Variants in GSE1 observed in about 807,000 individuals in gnomAD.
GSE1 encodes the protein genetic suppressor element 1.
Under a neutral mutation model 112.6 loss-of-function variants are expected in GSE1, and 32 were observed. The observed-to-expected ratio is 0.28, with a 90% CI of 0.21 to 0.38. The LOEUF (loss-of-function observed/expected upper bound fraction) is 0.38. GSE1 is among the 10% of genes least tolerant of loss of function. The pLI is 1.00. For synonymous variants in GSE1, 1,115 were observed against 735.6 expected (o/e 1.52, Z -8.35); for missense variants, 2,348 against 1,699.2 (o/e 1.38, Z -6.71).
intron 1 of GSE1, among the ~76,000 whole-genome samples, chr16:85,316,721 A>C (rs1381199725): frequency 6.6e-6 from 1 of 152,146 alleles, no homozygotes; most frequent in Non-Finnish European, 1.5e-5. Flanking sequence ...CCCAACCCCC[A>C]TGGGGCTCCG....
intron 1 of GSE1, among the ~76,000 whole-genome samples, chr16:85,218,560 A>C (rs549584242): frequency 6.6e-6 from 1 of 152,180 alleles, no homozygotes; most frequent in Admixed American, 6.5e-5. Flanking sequence ...TTTGAGCTCA[A>C]CTCTGCCACT....
intron 2 of GSE1, chr16:85,462,945 C>A (rs948404365): frequency 1.5e-4 from 28 of 191,708 alleles, no homozygotes; most frequent in Non-Finnish European, 2.5e-4. Context: ...TCCCGGGGCT[C>A]CATCCCCGTC....
At chr16:85,217,091 C>G (rs1000633883) in intron 1 of GSE1, among the ~76,000 whole-genome samples, 2 of 152,248 alleles carry the variant, frequency 1.3e-5, no homozygotes, top group African/African-American at 4.8e-5. Flanking sequence ...CCTTGGGCAA[C>G]TGACTCAGCC....
chr16:85,307,609 C>CAG (rs1323396553), intron 1 of GSE1, among the ~76,000 whole-genome samples: 1 of 38,912 alleles, frequency 2.6e-5, no homozygotes, highest in African/African-American at 2.3e-4. Flanking sequence ...CGTGTGATGG[C>CAG]ACACAGCATT....
chr16:85,505,728 C>T (rs779516565), intron 2 of GSE1, among the ~76,000 whole-genome samples: 1 of 152,140 alleles, frequency 6.6e-6, no homozygotes, highest in South Asian at 2.1e-4. Context: ...GAATTAAGAA[C>T]AAAAGGTAGG....
intron 1 of GSE1, among the ~76,000 whole-genome samples, chr16:85,234,522 T>C (rs1362993372): frequency 6.6e-6 from 1 of 152,096 alleles, no homozygotes; most frequent in African/African-American, 2.4e-5. Context: ...GGCTCTGAGC[T>C]AGCGGATCCC....
At chr16:85,501,086 C>T (rs1009665580) in intron 2 of GSE1, among the ~76,000 whole-genome samples, 46 of 146,804 alleles carry the variant, frequency 3.1e-4, no homozygotes, top group Non-Finnish European at 5.9e-4. Flanking sequence ...CTGCAAGCTC[C>T]GCCTCCCGGG....
intron 2 of GSE1, among the ~76,000 whole-genome samples, chr16:85,372,550 G>A (rs1483199722): frequency 6.6e-6 from 1 of 151,486 alleles, no homozygotes; most frequent in Non-Finnish European, 1.5e-5. Flanking sequence ...AGCAAGTAGT[G>A]CGCACCTCGT....
chr16:85,267,194 G>A lies in GSE1; in HGVS notation c.2284-90269G>A, dbSNP rs147923054. Among the ~76,000 whole-genome samples the A allele has an allele frequency of 5.9e-3, 904 of 152,254 alleles. 11 individuals are homozygous for A. The highest frequency in any genetic ancestry group is 0.021 in the Middle Eastern group (6 of 292). On this transcript the variant is annotated intron_variant, in intron 1 of 2. Transcript: ENST00000637419. The stretch of plus-strand genomic sequence containing the variant: ...TGGGCTGGCCTCCCCTGAGACTCCC[G>A]CCCCTCGCCTGAGGCCGAGCCACAT...
intron 2 of GSE1, among the ~76,000 whole-genome samples, chr16:85,369,550 A>G (rs75733299): frequency 0.017 from 2,547 of 150,812 alleles, 65 homozygotes; most frequent in African/African-American, 0.057. Flanking sequence ...CCCACCACCC[A>G]CTCCTGCCTC....
intron 2 of GSE1, chr16:85,463,065 C>T: frequency 1.0e-6 from 1 of 982,824 alleles, no homozygotes; most frequent in Non-Finnish European, 1.2e-6. Flanking sequence ...GGTCCCGCGG[C>T]CCGGGGGGCG....
chr16:85,271,903 T>TG (rs1908873362), intron 1 of GSE1, among the ~76,000 whole-genome samples: 1 of 152,216 alleles, frequency 6.6e-6, no homozygotes, highest in Admixed American at 6.5e-5. Context: ...ACCCCAGGGC[T>TG]GGGGTCAGGG....
Position 85,571,695 on chromosome 16 carries a change from G to A in GSE1, c.37+15332G>A, listed in dbSNP as rs551789137. Among the ~76,000 whole-genome samples the A allele has an allele frequency of 1.1e-4, 16 of 152,300 alleles. No homozygotes were observed. In the East Asian group the frequency reaches 1.2e-3, roughly 11 times the overall value. On this transcript the variant is annotated intron_variant, in intron 1 of 2. Transcript: ENST00000635906. ...TGACATTAAACACAGGAAGGACTGA[G>A]GGGGAGAAACAGGTCAGAGACTGCA... is the stretch of plus-strand genomic sequence containing the variant.
At chr16:85,210,446 A>AG (rs2075205238) in intron 1 of GSE1, among the ~76,000 whole-genome samples, 1 of 152,178 alleles carries the variant, frequency 6.6e-6, no homozygotes. Flanking sequence ...CTACAAAAAA[A>AG]TTAGCCGGGC....
chr16:85,671,797 A>G (rs2053362313), intron 15 of GSE1: 1 of 154,364 alleles, frequency 6.5e-6, no homozygotes, highest in Non-Finnish European at 1.4e-5. Context: ...AACTGAAACC[A>G]TCTCACGTGG....
Position 85,665,040 on chromosome 16 carries a change from C to G in GSE1, c.2670C>G (p.Leu890=), listed in dbSNP as rs2052725142. ...ACAAAGAGAGACTTGTTGAAATGCT[C>G]CGTGCCATGAAGCAGAAGGCACTGT... The part of the protein sequence containing the change: ...RKDKERLVEM[L]RAMKQKALSA... The change falls in exon 12 of 16, where the codon CTC becomes CTG. Residue 890 remains leucine (L), a synonymous_variant. Transcript: ENST00000253458. 2 of 1,610,132 alleles carry G rather than the reference C, an allele frequency of 1.2e-6. No individual in the cohort carries two copies. The highest frequency in any genetic ancestry group is 2.2e-5 in the South Asian group (2 of 90,980).
intron 2 of GSE1, among the ~76,000 whole-genome samples, chr16:85,522,696 C>A (rs1409932228): frequency 6.6e-6 from 1 of 152,092 alleles, no homozygotes; most frequent in African/African-American, 2.4e-5. Context: ...TGAGTGGGTG[C>A]TCGTGTGGGT....
chr16:85,428,323 G>C (rs2049039354), intron 2 of GSE1, among the ~76,000 whole-genome samples: 1 of 152,202 alleles, frequency 6.6e-6, no homozygotes, highest in South Asian at 2.1e-4. Flanking sequence ...GGCAACGATG[G>C]GCAGAGGCAG....
At chr16:85,634,694 A>G (rs1020660353) in intron 2 of GSE1, among the ~76,000 whole-genome samples, 15 of 152,314 alleles carry the variant, frequency 9.8e-5, no homozygotes, top group Middle Eastern at 3.4e-3. Flanking sequence ...GGCTTCTGGT[A>G]TCACCTGGGC....
Sources: gnomAD v4.1 joint callset for allele counts (sites outside exome capture counted in the v4.1 genomes callset) on GRCh38, gnomAD v4.1.1 for gene constraint, MANE v1.5 for transcripts, NCBI Gene and HGNC (gene_info 2026-07-23, HGNC 2026-07-21) for gene names.